The following VKORC1L1 variants were observed in gnomAD, a reference collection of about 807,000 sequenced individuals.
VKORC1L1 encodes the protein vitamin K epoxide reductase complex subunit 1L1.
VKORC1L1 carries 2 observed loss-of-function variants against 18.9 expected under a neutral mutation model. That is an observed-to-expected ratio of 0.11 (90% CI 0.04 to 0.33). The LOEUF (loss-of-function observed/expected upper bound fraction) is 0.33. Ranked by LOEUF, VKORC1L1 falls within the 10% of genes least tolerant of loss-of-function variation. The probability of loss-of-function intolerance (pLI) is 1.00; values close to 1 mark genes in which losing one functional copy is unlikely to be tolerated. For missense variants in VKORC1L1, 123 were observed against 224.1 expected, an observed-to-expected ratio of 0.55 and a Z score of 2.88; for synonymous variants, 96 against 100.0, an observed-to-expected ratio of 0.96 and a Z score of 0.24.
At chr7:65,907,565 C>T (rs1789426693) in intron 1 of VKORC1L1, among the ~76,000 whole-genome samples, 1 of 152,214 alleles carries the variant, frequency 6.6e-6, no homozygotes, top group Non-Finnish European at 1.5e-5. Context: ...ATGTAGATTG[C>T]TTTCACAGTC....
In VKORC1L1 at chr7:65,906,212, A is replaced by G. The variant is rs528325425; in HGVS notation, c.194+32647A>G. ...CACTTTGGGAGGCCAAGGTGGGCGG[A>G]TCACCTGAGGTCAGGAGTTCGAGAC... On this transcript the variant is annotated intron_variant, in intron 1 of 2. Transcript: ENST00000360768. Among the ~76,000 whole-genome samples the G allele has an allele frequency of 1.1e-4, 16 of 151,820 alleles. No homozygotes were observed. The East Asian group carries it at 2.7e-3, about 26-fold the overall frequency.
chr7:65,888,229 A>G (rs1013182540), intron 1 of VKORC1L1, among the ~76,000 whole-genome samples: 1 of 152,196 alleles, frequency 6.6e-6, no homozygotes, highest in African/African-American at 2.4e-5. Context: ...TCAAGTCTAT[A>G]GGGTCCCTGG....
Position 65,918,473 on chromosome 7 carries a change from A to C in VKORC1L1, c.195-30198A>C, listed in dbSNP as rs77318811. On this transcript the variant is annotated intron_variant, in intron 1 of 2. Transcript: ENST00000360768. ...CTGCAAGCGCTTTTACATAGGAGAG[A>C]CATACTGTCCAAAGACATAGCTTTC... Among the ~76,000 whole-genome samples, 584 of 152,364 alleles carry C rather than the reference A, an allele frequency of 3.8e-3. 6 individuals carry two copies. The highest frequency in any genetic ancestry group is 0.013 in the African/African-American group (557 of 41,588).
At chr7:65,871,902 G>A (rs1335267936), upstream of VKORC1L1, among the ~76,000 whole-genome samples, 1 of 152,140 alleles carries the variant, frequency 6.6e-6, no homozygotes. Flanking sequence ...TTTATTAACT[G>A]CTAAATTTGG....
upstream of VKORC1L1, among the ~76,000 whole-genome samples, chr7:65,869,673 CAG>C (rs1229207019): frequency 3.9e-5 from 4 of 101,620 alleles, no homozygotes; most frequent in African/African-American, 1.5e-4. Context: ...TTTTTAGAGA[CAG>C]GGTCTTTCTC....
intron 1 of VKORC1L1, among the ~76,000 whole-genome samples, chr7:65,902,715 C>A (rs533935824): frequency 6.6e-6 from 1 of 152,108 alleles, no homozygotes; most frequent in African/African-American, 2.4e-5. Flanking sequence ...CTGTTGGCAA[C>A]CCATTATAAA....
chr7:65,882,415 CAAA>C (rs34950335), intron 1 of VKORC1L1, among the ~76,000 whole-genome samples: 18 of 123,974 alleles, frequency 1.5e-4, no homozygotes, highest in African/African-American at 2.2e-4. Flanking sequence ...AGTAAAAAAG[CAAA>C]AAAAAAAAAA....
intron 1 of VKORC1L1, among the ~76,000 whole-genome samples, chr7:65,907,210 G>A (rs538321660): frequency 1.2e-3 from 181 of 152,258 alleles, no homozygotes; most frequent in Non-Finnish European, 1.3e-3. Context: ...GGAGGCCGAG[G>A]CAGGCACACC....
chr7:65,882,859 A>G (rs1363874368), intron 1 of VKORC1L1, among the ~76,000 whole-genome samples: 1 of 152,206 alleles, frequency 6.6e-6, no homozygotes, highest in Non-Finnish European at 1.5e-5. Context: ...ACACTATTAC[A>G]TAATTAATTT....
intron 1 of VKORC1L1, among the ~76,000 whole-genome samples, chr7:65,883,438 C>T (rs1788961497): frequency 2.0e-5 from 3 of 151,996 alleles, no homozygotes; most frequent in Admixed American, 6.6e-5. Flanking sequence ...AGGCATGAGC[C>T]ACCACACCCG....
rs561897956 is a variant in VKORC1L1, at chr7:65,942,097, T to A, written c.195-6574T>A. Among the ~76,000 whole-genome samples, 3 of 152,276 alleles carry A rather than the reference T, an allele frequency of 2.0e-5. No homozygotes were observed. The East Asian group carries it at 5.8e-4, about 29-fold the overall frequency. ...AGTATTTTTAAAAAGTACCAGAGGT[T>A]ATGGGACAGGAATGGAGCAGACCAC... On this transcript the variant is annotated intron_variant, in intron 1 of 2. Transcript: ENST00000360768.
rs1027985982 is a variant in VKORC1L1, at chr7:65,955,303, G to C, written c.*1003G>C. The C allele has an allele frequency of 6.6e-6, 1 of 152,200 alleles. No homozygotes were observed. The highest frequency in any genetic ancestry group is 1.5e-5 in the Non-Finnish European group (1 of 68,054). The allele number at this position is 152,200 out of a possible 1,614,324, so 9.4% of individuals were successfully genotyped here. A position where few individuals can be genotyped will look rare whatever the true frequency, so the allele number is the denominator to read the frequency against. On this transcript the variant is annotated 3_prime_UTR_variant, in exon 3 of 3. Transcript: ENST00000360768. The stretch of plus-strand genomic sequence containing the variant: ...ATTATGATGGAAAAGACCAGTCCAA[G>C]CCCCATCGCTCCGGAGTGGGAGCCA...
At chr7:65,890,526 C>T (rs1789094934) in intron 1 of VKORC1L1, among the ~76,000 whole-genome samples, 1 of 152,204 alleles carries the variant, frequency 6.6e-6, no homozygotes, top group South Asian at 2.1e-4. Context: ...GCCTTGGCCT[C>T]CCAGAGTGCT....
chr7:65,886,686 T>C lies in VKORC1L1; in HGVS notation c.194+13121T>C, dbSNP rs1244019522. On this transcript the variant is annotated intron_variant, in intron 1 of 2. Coordinates refer to ENST00000360768, the MANE Select transcript of VKORC1L1 (RefSeq NM_173517.6). ...CTGAGTAGCTGGGACTACAGGCGCC[T>C]GCCACCATGCCCGGCTAATTTTTTA... Among the ~76,000 whole-genome samples, 10 of 150,886 alleles carry C rather than the reference T, an allele frequency of 6.6e-5. No individual in the cohort carries two copies. In the East Asian group the frequency reaches 1.8e-3, roughly 27 times the overall value.
In VKORC1L1 at chr7:65,873,378, G is replaced by C; in HGVS notation, c.7G>C (p.Ala3Pro). The C allele has an allele frequency of 6.6e-7, 1 of 1,518,352 alleles. No homozygotes were observed. Among genetic ancestry groups the C allele is most frequent in the Non-Finnish European group, 8.8e-7 (1 of 1,135,200 alleles). The allele number at this position is 1,518,352 out of a possible 1,614,324, so 94.1% of individuals were successfully genotyped here. MAAPVLLRVSVPR... is the reference protein window; with the variant it reads MAPPVLLRVSVPR... ...CGGCGGCGGCGGCGGGAAGATGGCG[G>C]CTCCCGTCCTGCTAAGAGTGTCGGT... The change falls in exon 1 of 3, where the codon GCT becomes CCT. Residue 3 changes from alanine (A) to proline (P), a missense_variant. Ala to Pro is a conservative substitution (Grantham distance 27). Transcript: ENST00000360768.
chr7:65,922,227 C>T (rs900258022), intron 1 of VKORC1L1, among the ~76,000 whole-genome samples: 10 of 151,012 alleles, frequency 6.6e-5, no homozygotes, highest in Non-Finnish European at 1.5e-4. Context: ...TCCTTTCAAT[C>T]GTTATTTCCC....
At chr7:65,911,111 C>T (rs77583808) in intron 1 of VKORC1L1, among the ~76,000 whole-genome samples, 5,724 of 152,236 alleles carry the variant, frequency 0.038, 169 homozygotes, top group East Asian at 0.097. Context: ...GGTGTGGCAT[C>T]TTTTGGTCTT....
chr7:65,880,241 G>A (rs1562980669), intron 1 of VKORC1L1, among the ~76,000 whole-genome samples: 1 of 152,090 alleles, frequency 6.6e-6, no homozygotes, highest in African/African-American at 2.4e-5. Flanking sequence ...GCAAACAATG[G>A]TGCCAGTTTC....
chr7:65,914,013 C>T lies in VKORC1L1; in HGVS notation c.195-34658C>T, dbSNP rs192490237. On this transcript the variant is annotated intron_variant, in intron 1 of 2. Transcript: ENST00000360768. Reference sequence around the variant, plus strand: ...CTCTTGACACACCTTAGACTCCAACCCTTATTTCTTGAGTTTAGAGGCATT... The same window carrying T: ...CTCTTGACACACCTTAGACTCCAACTCTTATTTCTTGAGTTTAGAGGCATT... Among the ~76,000 whole-genome samples, 283 of 152,048 alleles carry T rather than the reference C, an allele frequency of 1.9e-3. 2 individuals carry two copies. Among genetic ancestry groups the T allele is most frequent in the African/African-American group, 6.7e-3 (276 of 41,480 alleles).
Sources: allele counts gnomAD v4.1 joint callset (sites outside exome capture counted in the v4.1 genomes callset), GRCh38; gene constraint gnomAD v4.1.1; transcripts MANE v1.5; gene names NCBI Gene and HGNC (gene_info 2026-07-23, HGNC 2026-07-21).